Variants in GMIP observed in about 807,000 individuals in gnomAD.
GMIP encodes the protein GEM-interacting protein.
Under a neutral mutation model 105.3 loss-of-function variants are expected in GMIP, and 54 were observed. That is an observed-to-expected ratio of 0.51 (90% CI 0.41 to 0.64). The LOEUF (loss-of-function observed/expected upper bound fraction) is 0.64. Among genes scored for constraint, GMIP ranks in the 30% least tolerant of loss-of-function variants. The pLI, the probability that GMIP is intolerant of heterozygous loss-of-function variation, is 0.00. For synonymous variants in GMIP, 541 were observed against 560.8 expected (o/e 0.96, Z 0.50); for missense variants, 1,110 against 1,319.4 (o/e 0.84, Z 2.46).
chr19:19,642,581 C>T lies in GMIP; in HGVS notation c.58G>A (p.Asp20Asn). Residue 20 changes from aspartate to asparagine, a missense_variant, in exon 2 of 21, where the codon GAC (aspartate) becomes AAC (asparagine). Around this residue, in one of 3 missense-constraint regions of GMIP, gnomAD observed 667 missense variants for 773.2 expected, o/e 0.86. Coordinates refer to ENST00000203556, the MANE Select transcript of GMIP (RefSeq NM_016573.4). ...PGPEGRKRYSDIFRSLDNLEI... is the reference protein window; with the variant it reads ...PGPEGRKRYSNIFRSLDNLEI... ...AGGTTGTCCAGGCTCCGGAAGATGTCACTGTACCTCTTCCTGCCCTCAGGA... is the reference window on the plus strand; with the variant it reads ...AGGTTGTCCAGGCTCCGGAAGATGTTACTGTACCTCTTCCTGCCCTCAGGA... 6.2e-7 allele frequency: 1 copy of T among 1,610,126 alleles called. No individual in the cohort carries two copies. The highest frequency in any genetic ancestry group is 8.5e-7 in the Non-Finnish European group (1 of 1,176,796).
chr19:19,637,871 C>T lies in GMIP; in HGVS notation c.927+49G>A, dbSNP rs1170403154. ...AGGGGCGAGGAGTGGGGCACTCAGT[C>T]GGGGCCCCAACGGGGTGAGGGGAGG... On this transcript the variant is annotated intron_variant, in intron 10 of 20. Transcript: ENST00000203556. The surrounding 1 kb of genome is among the most constrained non-coding windows in gnomAD (Gnocchi z 6.7). 5.2e-6 allele frequency: 8 copies of T among 1,550,440 alleles called. No homozygotes were observed. In the South Asian group the frequency reaches 7.3e-5, roughly 14 times the overall value.
rs371109219 is a variant in GMIP, at chr19:19,638,195, C to G, written c.753G>C (p.Glu251Asp). 42 of 1,595,194 alleles carry G rather than the reference C, an allele frequency of 2.6e-5. No individual in the cohort carries two copies. In the African/African-American group the frequency reaches 5.5e-4, roughly 21 times the overall value. ...QASPGPSKQQ[E>D]RRRRSREEAQ... ...CCTCCTCTCGCGAGCGCCGCCGCCG[C>G]TCCTGCTGCTTGCTAGGTCCCGGCG... Residue 251 changes from glutamate to aspartate, a missense_variant, in exon 9 of 21, where the codon GAG becomes GAC. Physicochemically the swap from Glu to Asp is conservative, Grantham distance 45 (BLOSUM62 2). Transcript: ENST00000203556.
intron 9 of GMIP, 38 bp from the exon 10 acceptor site, chr19:19,638,095 TGTGGGCGAGA>T (rs2061875917): frequency 6.5e-7 from 1 of 1,547,098 alleles, no homozygotes; most frequent in Non-Finnish European, 8.7e-7. Context: ...GTGGGGCGCG[TGTGGGCGAGA>T]GTGGAGGGCA....
Position 19,637,905 on chromosome 19 carries a change from G to A in GMIP, c.927+15C>T, listed in dbSNP as rs1444001537. On this transcript the variant is annotated intron_variant, in intron 10 of 20. Transcript: ENST00000203556. This position sits in a 1 kb window ranked among gnomAD's most constrained non-coding sequence, Gnocchi z 6.7. ...AACGGGGTGAGGGGAGGATGGCCTTGGGGATGGGCCTCACCCGCCTCAGCA... is the reference window on the plus strand; with the variant it reads ...AACGGGGTGAGGGGAGGATGGCCTTAGGGATGGGCCTCACCCGCCTCAGCA... 2 of 1,587,872 alleles carry A rather than the reference G, an allele frequency of 1.3e-6. No homozygotes were observed. Among genetic ancestry groups the A allele is most frequent in the South Asian group, 2.3e-5 (2 of 86,660 alleles).
chr19:19,636,033 G>T (rs566923528), intron 13 of GMIP, among the ~76,000 whole-genome samples: 2 of 151,770 alleles, frequency 1.3e-5, no homozygotes, highest in African/African-American at 4.8e-5. Context: ...GCAAAACCTT[G>T]TCTCTACTAA....
Position 19,638,243 on chromosome 19 carries a change from AGGGGACCCCT to A in GMIP, c.695_704del (p.Gln232LeufsTer73). On this transcript the variant is annotated frameshift_variant, in exon 9 of 21. Coordinates refer to ENST00000203556, the MANE Select transcript of GMIP (RefSeq NM_016573.4). LOFTEE classifies it high-confidence loss of function. ...GCGAGGCCTGGGGGGCCGAGTCCTC[AGGGGACCCCT>A]GGGAGCGTGCCCGCAGGTCCTCGCT... 6.2e-7 allele frequency: 1 copy of A among 1,603,102 alleles called. No individual in the cohort carries two copies. The highest frequency in any genetic ancestry group is 8.5e-7 in the Non-Finnish European group (1 of 1,179,242).
chr19:19,629,909 T>A lies in GMIP; in HGVS notation c.*54A>T. On this transcript the variant is annotated 3_prime_UTR_variant, in exon 21 of 21. Transcript: ENST00000203556. ...CACTAGGTGGTGGGAGGTAGGGATA[T>A]ATGGGTCCGTCTTCACAATCTGGGC... The A allele has an allele frequency of 6.5e-7, 1 of 1,545,312 alleles. No individual in the cohort carries two copies. Among genetic ancestry groups the A allele is most frequent in the Non-Finnish European group, 8.7e-7 (1 of 1,143,354 alleles).
At chr19:19,636,636 G>C in intron 13 of GMIP, 71 bp downstream of exon 13, 2 of 1,102,160 alleles carry the variant, frequency 1.8e-6, no homozygotes, top group South Asian at 2.5e-5. Flanking sequence ...AAGATTGAGG[G>C]TCAGAGCTTG....
Position 19,633,666 on chromosome 19 carries a change from G to A in GMIP, c.2472+137C>T. 3 of 614,256 alleles carry A rather than the reference G, an allele frequency of 4.9e-6. No individual in the cohort carries two copies. The South Asian group carries it at 1.7e-4, about 34-fold the overall frequency. 38.1% of individuals were successfully genotyped at this position (614,256 alleles called of 1,614,324 possible). ...TGCTCATTCCTCACTATTCCTTCCA[G>A]AATGAACATAAGTTAAATGAGGAAG... is the stretch of plus-strand genomic sequence containing the variant. On this transcript the variant is annotated intron_variant, in intron 19 of 20. Coordinates refer to ENST00000203556, the MANE Select transcript of GMIP (RefSeq NM_016573.4).
chr19:19,637,987 A>G lies in GMIP; in HGVS notation c.860T>C (p.Ile287Thr). The change falls in exon 10 of 21, where the codon ATC becomes ACC. Residue 287 changes from isoleucine (I) to threonine (T), a missense_variant. Ile to Thr is a moderately conservative substitution (Grantham distance 89). This residue lies in a region of GMIP where 667 missense variants were observed against 773.2 expected (regional missense o/e 0.86). Transcript: ENST00000203556. This position sits in a 1 kb window ranked among gnomAD's most constrained non-coding sequence, Gnocchi z 6.7. ...EANARQQDLE[I>T]AKQRIVSHVR... ...GTGCGACACGATTCGCTGCTTGGCGATCTCCAGGTCCTGCTGCCGCGCGTT... is the reference window on the plus strand; with the variant it reads ...GTGCGACACGATTCGCTGCTTGGCGGTCTCCAGGTCCTGCTGCCGCGCGTT... 6.2e-7 allele frequency: 1 copy of G among 1,611,028 alleles called. No homozygotes were observed. Among genetic ancestry groups the G allele is most frequent in the Non-Finnish European group, 8.5e-7 (1 of 1,179,270 alleles).
chr19:19,629,893 G>A lies in GMIP; in HGVS notation c.*70C>T, dbSNP rs1280341216. 33 of 1,457,214 alleles carry A rather than the reference G, an allele frequency of 2.3e-5. No individual in the cohort carries two copies. Among genetic ancestry groups the A allele is most frequent in the Non-Finnish European group, 1.2e-5 (13 of 1,079,384 alleles). 90.3% of individuals were successfully genotyped at this position (1,457,214 alleles called of 1,614,324 possible). A position where few individuals can be genotyped will look rare whatever the true frequency, so the allele number is the denominator to read the frequency against. On this transcript the variant is annotated 3_prime_UTR_variant, in exon 21 of 21. Coordinates refer to ENST00000203556, the MANE Select transcript of GMIP (RefSeq NM_016573.4). Reference sequence around the variant, plus strand: ...TGGCGGGGTGTTTGGCCACTAGGTGGTGGGAGGTAGGGATATATGGGTCCG... The same window carrying A: ...TGGCGGGGTGTTTGGCCACTAGGTGATGGGAGGTAGGGATATATGGGTCCG...
rs868056029 is a variant in GMIP, at chr19:19,635,041, C to T, written c.1733G>A (p.Arg578His). The change falls in exon 16 of 21, where the codon CGT (arginine) becomes CAT (histidine). Residue 578 changes from arginine to histidine, a missense_variant. This residue lies in a region of GMIP where 49 missense variants were observed against 95.6 expected (regional missense o/e 0.51). Transcript: ENST00000203556. This position sits in a 1 kb window ranked among gnomAD's most constrained non-coding sequence, Gnocchi z 4.7. ...GGGCAGCACCTGCACATCCAGGGCA[C>T]GGTGTTCTATCTCAGCCGTGCACTT... ...VTKCTAEIEH[R>H]ALDVQGIYRV... 1.9e-6 allele frequency: 3 copies of T among 1,613,772 alleles called. No homozygotes were observed. The highest frequency in any genetic ancestry group is 1.7e-5 in the Admixed American group (1 of 59,992).
At chr19:19,631,255 T>C (rs917320062) in intron 19 of GMIP, among the ~76,000 whole-genome samples, 1 of 152,156 alleles carries the variant, frequency 6.6e-6, no homozygotes, top group Non-Finnish European at 1.5e-5. Context: ...GTGTCATTCA[T>C]TGAGTCTGGA....
At position 19,635,814 on chromosome 19, in the gene GMIP, T is replaced by C. The variant is rs1453250446; in HGVS notation, c.1328-93A>G. On this transcript the variant is annotated intron_variant, in intron 13 of 20. Coordinates refer to ENST00000203556, the MANE Select transcript of GMIP (RefSeq NM_016573.4). The surrounding 1 kb of genome is among the most constrained non-coding windows in gnomAD (Gnocchi z 4.7). ...GAACCACCCACTAATTCCCAAGGGG[T>C]CAGAGGTCAGGAGGGGGATTGGACA... 4.9e-6 allele frequency: 5 copies of C among 1,030,786 alleles called. No individual in the cohort carries two copies. The highest frequency in any genetic ancestry group is 2.3e-4 in the Middle Eastern group (1 of 4,428). 63.9% of individuals were successfully genotyped at this position (1,030,786 alleles called of 1,614,324 possible). A position where few individuals can be genotyped will look rare whatever the true frequency, so the allele number is the denominator to read the frequency against.
At chr19:19,633,768 C>A (rs2061819499) in intron 19 of GMIP, 35 bp downstream of exon 19, 2 of 1,371,910 alleles carry the variant, frequency 1.5e-6, no homozygotes, top group African/African-American at 1.5e-5. Flanking sequence ...AGAGATAAGG[C>A]CCTCTCCATA....
At position 19,637,032 on chromosome 19, in the gene GMIP, G is replaced by A. The variant is rs1050277928; in HGVS notation, c.1125-3C>T. On this transcript the variant is annotated splice_region_variant and splice_polypyrimidine_tract_variant and intron_variant, in intron 11 of 20. Coordinates refer to ENST00000203556, the MANE Select transcript of GMIP (RefSeq NM_016573.4). This position sits in a 1 kb window ranked among gnomAD's most constrained non-coding sequence, Gnocchi z 6.7. ...TCTTTCTGATGTCCAGAGGGGAGCT[G>A]AGAAGACAGAAGTTTGAAGGTTTGA... 1.3e-6 allele frequency: 2 copies of A among 1,546,582 alleles called. No individual in the cohort carries two copies. The highest frequency in any genetic ancestry group is 2.7e-5 in the African/African-American group (2 of 73,330).
chr19:19,637,242 C>A lies in GMIP; in HGVS notation c.1124+123G>T. The A allele has an allele frequency of 1.4e-6, 1 of 740,582 alleles. No homozygotes were observed. The highest frequency in any genetic ancestry group is 1.9e-5 in the South Asian group (1 of 53,496). The allele number at this position is 740,582 out of a possible 1,614,324, so 45.9% of individuals were successfully genotyped here. ...TTCACCCTCCTATGGCCCCCGAGAG[C>A]CTGGAGTACTAAATTCCACTAAGGC... is the stretch of plus-strand genomic sequence containing the variant. On this transcript the variant is annotated intron_variant, in intron 11 of 20. Coordinates refer to ENST00000203556, the MANE Select transcript of GMIP (RefSeq NM_016573.4). The surrounding 1 kb of genome is among the most constrained non-coding windows in gnomAD (Gnocchi z 6.7).
chr19:19,642,958 C>T (rs766599266), intron 1 of GMIP: 7 of 227,522 alleles, frequency 3.1e-5, no homozygotes, highest in Non-Finnish European at 5.2e-5. Context: ...GATGGAAATA[C>T]ACAAGGGACA....
chr19:19,634,013 C>T lies in GMIP; in HGVS notation c.2262G>A (p.Glu754=), dbSNP rs1568412054. Residue 754 remains glutamate, a synonymous_variant, in exon 19 of 21, where the codon GAG becomes GAA. Coordinates refer to ENST00000203556, the MANE Select transcript of GMIP (RefSeq NM_016573.4). The surrounding 1 kb of genome is among the most constrained non-coding windows in gnomAD (Gnocchi z 6.1). ...QLVEFLIVHY[E]QIFGMDELPQ... ...GGAGCTCATCCATCCCAAAGATCTG[C>T]TCGTAGTGCACGATGAGGAACTCCA... The T allele has an allele frequency of 6.2e-7, 1 of 1,612,550 alleles. No individual in the cohort carries two copies. The highest frequency in any genetic ancestry group is 2.2e-5 in the East Asian group (1 of 44,836).
Sources: allele counts gnomAD v4.1 joint callset (sites outside exome capture counted in the v4.1 genomes callset), GRCh38; gene constraint gnomAD v4.1.1; regional missense constraint gnomAD v4.1.1; non-coding constraint Gnocchi (gnomAD v3.1); transcripts MANE v1.5; gene names NCBI Gene and HGNC (gene_info 2026-07-23, HGNC 2026-07-21).